Variants in GALNT18 observed in about 807,000 individuals in gnomAD.
The protein encoded by GALNT18 is GalNAc-transferase 18.
Under a neutral mutation model 69.5 loss-of-function variants are expected in GALNT18, and 44 were observed. The ratio of observed to expected loss-of-function variants is 0.63; its 90% CI spans 0.50 to 0.81. The LOEUF is 0.81. Ranked by LOEUF, GALNT18 falls within the 40% of genes least tolerant of loss-of-function variation. GALNT18 has a pLI of 0.00. For missense variants in GALNT18, 715 were observed against 810.0 expected, an observed-to-expected ratio of 0.88 and a Z score of 1.42; for synonymous variants, 364 against 318.2, an observed-to-expected ratio of 1.14 and a Z score of -1.53.
intron 1 of GALNT18, among the ~76,000 whole-genome samples, chr11:11,467,874 C>T (rs1219358680): frequency 1.3e-5 from 2 of 152,172 alleles, no homozygotes; most frequent in African/African-American, 4.8e-5. Flanking sequence ...GGTTTCCAAA[C>T]TTCAGTGTGT....
intron 2 of GALNT18, among the ~76,000 whole-genome samples, chr11:11,447,253 TCTC>T (rs1285276720): frequency 1.3e-5 from 2 of 152,124 alleles, no homozygotes; most frequent in African/African-American, 4.8e-5. Context: ...TGCTTCCTCT[TCTC>T]CTCCAGGTCT....
Position 11,421,730 on chromosome 11 carries a change from T to TTCTCTGCAGAG in GALNT18, c.595+10880_595+10890dup, listed in dbSNP as rs551645891. ...GCCACCCACTGGGAAGAAACAATAC[T>TTCTCTGCAGAG]TCTCTGCAGAGTCTCTGCAGAGTCT... On this transcript the variant is annotated intron_variant, in intron 3 of 10. Transcript: ENST00000227756. This position sits in a 1 kb window ranked among gnomAD's most constrained non-coding sequence, Gnocchi z 5.6. 1.5e-4 allele frequency among the ~76,000 whole-genome samples: 22 copies of TTCTCTGCAGAG among 151,242 alleles called. No homozygotes were observed. The highest frequency in any genetic ancestry group is 4.2e-4 in the South Asian group (2 of 4,810).
chr11:11,595,046 A>G lies in GALNT18; in HGVS notation c.235+26313T>C, dbSNP rs997499881. On this transcript the variant is annotated intron_variant, in intron 1 of 10. Coordinates refer to ENST00000227756, the MANE Select transcript of GALNT18 (RefSeq NM_198516.3). This position sits in a 1 kb window ranked among gnomAD's most constrained non-coding sequence, Gnocchi z 5.2. ...TCCAAGAATGAATATATACATATAT[A>G]TTCATTCCTAGAATTGAAATTACCT... Among the ~76,000 whole-genome samples the G allele has an allele frequency of 2.0e-4, 31 of 151,592 alleles. No homozygotes were observed. The highest frequency in any genetic ancestry group is 7.3e-4 in the African/African-American group (30 of 41,374).
rs1266061637 is a variant in GALNT18 at position 11,341,237 on chromosome 11, A to G, written c.1093-233T>C. Among the ~76,000 whole-genome samples the G allele has an allele frequency of 6.6e-6, 1 of 152,128 alleles. No individual in the cohort carries two copies. The highest frequency in any genetic ancestry group is 1.9e-4 in the East Asian group (1 of 5,196). On this transcript the variant is annotated intron_variant, in intron 6 of 10. Coordinates refer to ENST00000227756, the MANE Select transcript of GALNT18 (RefSeq NM_198516.3). This position sits in a 1 kb window ranked among gnomAD's most constrained non-coding sequence, Gnocchi z 6.3. ...TCTTATTGCTGTGGATTTACCAACA[A>G]AAAAAATGAATGCACTTTTTCCCTC... is the stretch of plus-strand genomic sequence containing the variant.
At chr11:11,343,202 C>T (rs1850242162) in intron 6 of GALNT18, among the ~76,000 whole-genome samples, 1 of 151,724 alleles carries the variant, frequency 6.6e-6, no homozygotes, top group Non-Finnish European at 1.5e-5. Context: ...AAAAAAGTTA[C>T]CCGGGCGTGG....
intron 2 of GALNT18, among the ~76,000 whole-genome samples, chr11:11,442,131 C>G (rs1159550644): frequency 6.6e-6 from 1 of 152,186 alleles, no homozygotes; most frequent in East Asian, 1.9e-4. Context: ...TATTTTCTTG[C>G]TTTTTCCAGC....
intron 3 of GALNT18, among the ~76,000 whole-genome samples, chr11:11,394,547 A>G (rs1302395638): frequency 6.6e-6 from 1 of 151,948 alleles, no homozygotes; most frequent in Non-Finnish European, 1.5e-5. Flanking sequence ...TTAATTAAAA[A>G]CTCTACTGTA....
intron 10 of GALNT18, among the ~76,000 whole-genome samples, chr11:11,281,926 G>C (rs1473104575): frequency 2.6e-5 from 4 of 151,892 alleles, no homozygotes; most frequent in Admixed American, 2.6e-4. Context: ...GGAGGGGAGG[G>C]TGCTCTAGAA....
At chr11:11,396,000 G>T in intron 3 of GALNT18, among the ~76,000 whole-genome samples, 1 of 152,120 alleles carries the variant, frequency 6.6e-6, no homozygotes, top group East Asian at 1.9e-4. Flanking sequence ...GAGAGGGAGG[G>T]GGGACACAGC....
chr11:11,609,681 A>G (rs1052815419), intron 1 of GALNT18, among the ~76,000 whole-genome samples: 3 of 151,890 alleles, frequency 2.0e-5, no homozygotes, highest in African/African-American at 7.3e-5. Context: ...ATTTCTCCCA[A>G]CTCCTTATGG....
At chr11:11,406,826 TCCTTGG>T (rs1854597537) in intron 3 of GALNT18, among the ~76,000 whole-genome samples, 1 of 152,232 alleles carries the variant, frequency 6.6e-6, no homozygotes, top group South Asian at 2.1e-4. Flanking sequence ...CAGGGTCATG[TCCTTGG>T]CCAGTGGATG....
chr11:11,459,629 C>G lies in GALNT18; in HGVS notation c.236-10693G>C, dbSNP rs1475514274. ...GTGTGACCCTCATCAAGCTCTTAAA[C>G]CTCTCTGAAGCTCAGCTTGCTGTCG... On this transcript the variant is annotated intron_variant, in intron 1 of 10. Transcript: ENST00000227756. The surrounding 1 kb of genome is among the most constrained non-coding windows in gnomAD (Gnocchi z 5.0). Among the ~76,000 whole-genome samples the G allele has an allele frequency of 6.6e-6, 1 of 152,204 alleles. No homozygotes were observed. Among genetic ancestry groups the G allele is most frequent in the Admixed American group, 6.5e-5 (1 of 15,272 alleles).
chr11:11,330,100 G>A (rs958774769), intron 8 of GALNT18, among the ~76,000 whole-genome samples: 1 of 152,124 alleles, frequency 6.6e-6, no homozygotes, highest in Non-Finnish European at 1.5e-5. Context: ...AATGATCCAG[G>A]GGAAACTTAT....
At chr11:11,577,819 G>A (rs1858962698) in intron 1 of GALNT18, among the ~76,000 whole-genome samples, 1 of 152,214 alleles carries the variant, frequency 6.6e-6, no homozygotes, top group Non-Finnish European at 1.5e-5. Context: ...ATAGAATTAA[G>A]AAGACAGGGC....
In GALNT18 at chr11:11,356,924, G is replaced by A. The variant is rs945640692; in HGVS notation, c.1092+15591C>T. 5.3e-5 allele frequency among the ~76,000 whole-genome samples: 8 copies of A among 152,062 alleles called. No individual in the cohort carries two copies. Among genetic ancestry groups the A allele is most frequent in the Admixed American group, 1.3e-4 (2 of 15,256 alleles). ...CTTTTACAACGTACTTTTAAACTGC[G>A]TCTACTCAGCTGCTGGTTTGTAATT... On this transcript the variant is annotated intron_variant, in intron 6 of 10. Coordinates refer to ENST00000227756, the MANE Select transcript of GALNT18 (RefSeq NM_198516.3). The surrounding 1 kb of genome is among the most constrained non-coding windows in gnomAD (Gnocchi z 4.4).
intron 1 of GALNT18, among the ~76,000 whole-genome samples, chr11:11,468,251 G>A (rs901560): frequency 0.82 from 124,969 of 152,168 alleles, 52,835 homozygotes; most frequent in Middle Eastern, 0.93. Context: ...TCATCTGAAC[G>A]TCATAATGTT....
rs553432399 is a variant in GALNT18 at position 11,334,503 on chromosome 11, A to G, written c.1279-1672T>C. The stretch of plus-strand genomic sequence containing the variant: ...GCTTGCAGTGAGCCGAGATCGCACC[A>G]TTGCACTCCAGCCTGGGCGACAGAG... On this transcript the variant is annotated intron_variant, in intron 7 of 10. Transcript: ENST00000227756. 4.6e-5 allele frequency among the ~76,000 whole-genome samples: 7 copies of G among 151,526 alleles called. No individual in the cohort carries two copies. In the East Asian group the frequency reaches 1.4e-3, roughly 29 times the overall value.
intron 3 of GALNT18, among the ~76,000 whole-genome samples, chr11:11,403,050 T>G (rs1854503208): frequency 6.6e-6 from 1 of 152,182 alleles, no homozygotes; most frequent in South Asian, 2.1e-4. Flanking sequence ...CAGCATGATG[T>G]GGAGGAGATG....
At chr11:11,321,980 G>A (rs1849848322) in intron 9 of GALNT18, among the ~76,000 whole-genome samples, 1 of 152,188 alleles carries the variant, frequency 6.6e-6, no homozygotes, top group African/African-American at 2.4e-5. Context: ...GTCCAGGGTT[G>A]GTTGCAGCTA....
Sources: gnomAD v4.1 joint callset for allele counts (sites outside exome capture counted in the v4.1 genomes callset) on GRCh38, gnomAD v4.1.1 for gene constraint, Gnocchi (gnomAD v3.1) non-coding constraint, MANE v1.5 for transcripts, NCBI Gene and HGNC (gene_info 2026-07-23, HGNC 2026-07-21) for gene names.